The following MAPK10 variants were observed in gnomAD, a reference collection of about 807,000 sequenced individuals.
MAPK10 encodes the protein JNK3 alpha protein kinase.
Under a neutral mutation model 59.3 loss-of-function variants are expected in MAPK10, and 25 were observed. The observed-to-expected ratio is 0.42, with a 90% CI of 0.31 to 0.59. The LOEUF is 0.59. Among genes scored for constraint, MAPK10 ranks in the 20% least tolerant of loss-of-function variants. The probability of loss-of-function intolerance (pLI) is 0.15; values close to 1 mark genes in which losing one functional copy is unlikely to be tolerated. For synonymous variants in MAPK10, 190 were observed against 200.5 expected (o/e 0.95, Z 0.44); for missense variants, 351 against 568.9 (o/e 0.62, Z 3.90).
rs1206066777 is a variant in MAPK10, at chr4:86,253,323, C to A, written c.-6-58916G>T. On this transcript the variant is annotated intron_variant, in intron 2 of 13. Transcript: ENST00000641462. ...TTGGCTGTGGGTTTGTCATAGATAGCTCTTATTATTTTGAAATACGTCCCA... is the reference window on the plus strand; with the variant it reads ...TTGGCTGTGGGTTTGTCATAGATAGATCTTATTATTTTGAAATACGTCCCA... Among the ~76,000 whole-genome samples, 22 of 89,358 alleles carry A rather than the reference C, an allele frequency of 2.5e-4. 1 individual carries two copies. The highest frequency in any genetic ancestry group is 2.2e-3 in the South Asian group (6 of 2,764). The allele number at this position is 89,358 out of a possible 152,430, so 58.6% of individuals were successfully genotyped here.
intron 11 of MAPK10, among the ~76,000 whole-genome samples, chr4:86,036,979 T>G (rs1173232444): frequency 6.6e-6 from 1 of 152,196 alleles, no homozygotes; most frequent in Non-Finnish European, 1.5e-5. Context: ...TTTCAACAAT[T>G]GCAGCTGTAC....
intron 2 of MAPK10, among the ~76,000 whole-genome samples, chr4:86,231,722 C>T (rs1207282035): frequency 6.6e-6 from 1 of 151,906 alleles, no homozygotes; most frequent in Non-Finnish European, 1.5e-5. Context: ...ATTCATTTTT[C>T]CCTCACATTT....
intron 11 of MAPK10, among the ~76,000 whole-genome samples, chr4:86,041,391 C>T (rs4382027): frequency 6.6e-6 from 1 of 152,110 alleles, no homozygotes; most frequent in Non-Finnish European, 1.5e-5. Flanking sequence ...AGAAGAAAAC[C>T]TAGGCAATAC....
intron 3 of MAPK10, among the ~76,000 whole-genome samples, chr4:86,172,292 C>T (rs375296989): frequency 3.5e-5 from 5 of 144,654 alleles, no homozygotes; most frequent in Admixed American, 3.4e-4. Flanking sequence ...TATTGCGGCA[C>T]TATTCACAAT....
chr4:86,217,970 T>C (rs536954525), intron 2 of MAPK10, among the ~76,000 whole-genome samples: 5 of 152,182 alleles, frequency 3.3e-5, no homozygotes, highest in African/African-American at 9.6e-5. Context: ...GTAGAATTAT[T>C]TATATGTATA....
At chr4:86,270,843 T>C (rs1027869760) in intron 2 of MAPK10, among the ~76,000 whole-genome samples, 1 of 152,126 alleles carries the variant, frequency 6.6e-6, no homozygotes, top group African/African-American at 2.4e-5. Flanking sequence ...ATGTTGCAGA[T>C]CGCATTAATA....
At chr4:86,415,993 A>G (rs971842699) in intron 1 of MAPK10, among the ~76,000 whole-genome samples, 2 of 152,186 alleles carry the variant, frequency 1.3e-5, no homozygotes, top group Non-Finnish European at 2.9e-5. Flanking sequence ...CTCTTCTGTA[A>G]AATGTGAATA....
chr4:86,124,375 ATACTT>A (rs904469459), intron 4 of MAPK10: 5 of 152,118 alleles, frequency 3.3e-5, no homozygotes, highest in African/African-American at 4.8e-5. Context: ...AAAAATGAAA[ATACTT>A]TAACATAGCA....
chr4:86,214,181 C>A (rs1165766774), intron 2 of MAPK10, among the ~76,000 whole-genome samples: 1 of 152,004 alleles, frequency 6.6e-6, no homozygotes, highest in East Asian at 1.9e-4. Flanking sequence ...ATTCAACACC[C>A]TTTCATGATT....
intron 9 of MAPK10, among the ~76,000 whole-genome samples, chr4:86,074,657 C>T (rs12648064): frequency 0.39 from 48,670 of 125,998 alleles, 10,100 homozygotes; most frequent in African/African-American, 0.49. Flanking sequence ...TTATGAAGCT[C>T]AGTTTGGCCT....
chr4:86,567,204 T>C (rs941729151), intron 1 of MAPK10, among the ~76,000 whole-genome samples: 1 of 151,522 alleles, frequency 6.6e-6, no homozygotes, highest in African/African-American at 2.4e-5. Flanking sequence ...GAAAACTCAG[T>C]ATGAAATATT....
chr4:86,191,525 T>G (rs1469914175), intron 3 of MAPK10: 2 of 150,496 alleles, frequency 1.3e-5, no homozygotes, highest in African/African-American at 4.9e-5. Flanking sequence ...TTTTTGATCT[T>G]TATCAGAGAC....
rs180980168 is a variant in MAPK10, at chr4:86,204,494, G to T, written c.-6-10087C>A. ...AGAGAAAGGGACACCAATCAAGATA[G>T]CTAGTACAACAAATTATTCCCAATA... On this transcript the variant is annotated intron_variant, in intron 2 of 13. Transcript: ENST00000641462. 1.7e-3 allele frequency among the ~76,000 whole-genome samples: 265 copies of T among 151,954 alleles called. 1 individual carries two copies. Among genetic ancestry groups the T allele is most frequent in the Non-Finnish European group, 2.9e-3 (199 of 67,890 alleles).
At position 86,563,544 on chromosome 4, in the gene MAPK10, T is replaced by C. The variant is rs943481485; in HGVS notation, c.-263+30366A>G. On this transcript the variant is annotated intron_variant, in intron 1 of 4. Coordinates refer to the MAPK10 transcript ENST00000502302. ...TGTGGTATCTAGGCCCATTTAGGAT[T>C]GGAGTAATTTTTCTGATTACCTAAT... 2.0e-5 allele frequency among the ~76,000 whole-genome samples: 3 copies of C among 152,214 alleles called. No individual in the cohort carries two copies. In the South Asian group the frequency reaches 6.2e-4, roughly 32 times the overall value.
intron 2 of MAPK10, among the ~76,000 whole-genome samples, chr4:86,279,534 T>G (rs1179769498): frequency 6.6e-6 from 1 of 152,194 alleles, no homozygotes; most frequent in East Asian, 1.9e-4. Flanking sequence ...ATGCAAAGCA[T>G]ATGGTAGAGC....
intron 1 of MAPK10, among the ~76,000 whole-genome samples, chr4:86,514,503 G>C (rs1043353233): frequency 2.0e-5 from 3 of 151,972 alleles, no homozygotes; most frequent in African/African-American, 7.3e-5. Context: ...TTTTCTTTTA[G>C]AGAGTCCCCT....
chr4:86,174,885 A>G (rs1391891076), intron 3 of MAPK10, among the ~76,000 whole-genome samples: 1 of 152,166 alleles, frequency 6.6e-6, no homozygotes, highest in Non-Finnish European at 1.5e-5. Flanking sequence ...GAGAATGCAA[A>G]GCTCCTGACC....
intron 3 of MAPK10, among the ~76,000 whole-genome samples, chr4:86,173,891 T>G (rs2075019195): frequency 6.6e-6 from 1 of 152,056 alleles, no homozygotes; most frequent in East Asian, 1.9e-4. Flanking sequence ...CACTGATTAT[T>G]AGAGAAATGC....
intron 1 of MAPK10, among the ~76,000 whole-genome samples, chr4:86,498,785 A>C (rs917399706): frequency 1.3e-5 from 2 of 152,198 alleles, no homozygotes. Flanking sequence ...ATCGCCAAAC[A>C]TCATTTATAG....
Sources: allele counts gnomAD v4.1 joint callset (sites outside exome capture counted in the v4.1 genomes callset), GRCh38; gene constraint gnomAD v4.1.1; transcripts MANE v1.5; gene names NCBI Gene and HGNC (gene_info 2026-07-23, HGNC 2026-07-21).